ST3GAL2: variants seen among roughly 807,000 people sequenced by gnomAD.
ST3GAL2 encodes ST3 beta-galactoside alpha-2,3-sialyltransferase 2, also known as CMP-N-acetylneuraminate-beta-galactosamide-alpha-2,3-sialyltransferase 2.
ST3GAL2 carries 16 observed loss-of-function variants against 37.5 expected under a neutral mutation model. The observed-to-expected ratio is 0.43, with a 90% CI of 0.29 to 0.65. The LOEUF is 0.65. Among genes scored for constraint, ST3GAL2 ranks in the 30% least tolerant of loss-of-function variants. The pLI is 0.17. For missense variants in ST3GAL2, 383 were observed against 487.8 expected, an observed-to-expected ratio of 0.79 and a Z score of 2.02; for synonymous variants, 238 against 202.9, an observed-to-expected ratio of 1.17 and a Z score of -1.47.
intron 1 of ST3GAL2, chr16:70,400,032 T>C (rs2047544520): frequency 6.6e-6 from 1 of 152,206 alleles, no homozygotes; most frequent in South Asian, 2.1e-4. Context: ...TATTGCTGGG[T>C]CCACTCAATG....
chr16:70,413,722 G>C (rs906805986), intron 1 of ST3GAL2, among the ~76,000 whole-genome samples: 37 of 150,454 alleles, frequency 2.5e-4, no homozygotes, highest in Admixed American at 7.3e-4. Context: ...GGCAACAAAA[G>C]CGAAACTCCA....
At chr16:70,431,825 G>A (rs968495865) in intron 1 of ST3GAL2, among the ~76,000 whole-genome samples, 9 of 151,900 alleles carry the variant, frequency 5.9e-5, no homozygotes, top group Admixed American at 2.6e-4. Flanking sequence ...TTAGCCAGGC[G>A]TGGTGGCGGG....
At chr16:70,431,091 G>T (rs189396251) in intron 1 of ST3GAL2, among the ~76,000 whole-genome samples, 1 of 151,230 alleles carries the variant, frequency 6.6e-6, no homozygotes, top group South Asian at 2.1e-4. Context: ...AGGAAGGAGG[G>T]GGCGTGGGGG....
chr16:70,391,291 T>A (rs188616882), intron 3 of ST3GAL2, among the ~76,000 whole-genome samples: 1 of 152,310 alleles, frequency 6.6e-6, no homozygotes, highest in African/African-American at 2.4e-5. Flanking sequence ...TCCTAACCAC[T>A]TCCGTTCTAG....
chr16:70,387,499 G>A (rs898014046), intron 4 of ST3GAL2, among the ~76,000 whole-genome samples: 1 of 152,038 alleles, frequency 6.6e-6, no homozygotes, highest in Admixed American at 6.6e-5. Context: ...AGGTTTCAGT[G>A]AGCCAAGATT....
intron 6 of ST3GAL2, 74 bp downstream of exon 6, chr16:70,382,731 C>G: frequency 6.3e-7 from 1 of 1,594,692 alleles, no homozygotes. Context: ...CCTCTGTTAG[C>G]CTGCTAAGAC....
intron 1 of ST3GAL2, among the ~76,000 whole-genome samples, chr16:70,432,879 G>A (rs2047800630): frequency 6.6e-6 from 1 of 152,222 alleles, no homozygotes; most frequent in Admixed American, 6.5e-5. Context: ...ATCCCGGGCT[G>A]CATGTGGAAA....
intron 1 of ST3GAL2, among the ~76,000 whole-genome samples, chr16:70,413,723 C>T (rs552665215): frequency 4.7e-5 from 7 of 149,450 alleles, no homozygotes; most frequent in Admixed American, 1.3e-4. Flanking sequence ...GCAACAAAAG[C>T]GAAACTCCAT....
chr16:70,381,319 A>G lies in ST3GAL2; in HGVS notation c.*370T>C, dbSNP rs2047401555. On this transcript the variant is annotated 3_prime_UTR_variant, in exon 7 of 7. Transcript: ENST00000342907. ...CGATCCTCCGCCCGAGGCTGACGGAAGTGCTTCGCCGAGGCCCGCGCCATG... is the reference window on the plus strand; with the variant it reads ...CGATCCTCCGCCCGAGGCTGACGGAGGTGCTTCGCCGAGGCCCGCGCCATG... 1 of 196,686 alleles carries G rather than the reference A, an allele frequency of 5.1e-6. No homozygotes were observed. Among genetic ancestry groups the G allele is most frequent in the South Asian group, 8.4e-5 (1 of 11,914 alleles). 12.2% of individuals were successfully genotyped at this position (196,686 alleles called of 1,614,324 possible). A position where few individuals can be genotyped will look rare whatever the true frequency, so the allele number is the denominator to read the frequency against.
intron 2 of ST3GAL2, among the ~76,000 whole-genome samples, chr16:70,395,888 T>C (rs567521943): frequency 2.6e-5 from 4 of 152,174 alleles, no homozygotes; most frequent in East Asian, 1.9e-4. Context: ...CGTGGGATCA[T>C]GAGCCCAGAA....
intron 1 of ST3GAL2, among the ~76,000 whole-genome samples, chr16:70,418,816 G>A (rs1330472864): frequency 6.6e-6 from 1 of 152,118 alleles, no homozygotes; most frequent in Non-Finnish European, 1.5e-5. Context: ...CAAAGCGGGC[G>A]ATTTCTCCAG....
rs1027985057 is a variant in ST3GAL2 at position 70,382,928 on chromosome 16, G to A, written c.760-4C>T. ...AGGCTGGGTTGTAGATCTGGACCTG[G>A]GAGGAGAAGGGATGACAGGTATATG... On this transcript the variant is annotated splice_polypyrimidine_tract_variant and splice_region_variant and intron_variant, in intron 5 of 6. Coordinates refer to ENST00000342907, the MANE Select transcript of ST3GAL2 (RefSeq NM_006927.4). 18 of 1,612,578 alleles carry A rather than the reference G, an allele frequency of 1.1e-5. 1 individual carries two copies. The highest frequency in any genetic ancestry group is 1.4e-5 in the Non-Finnish European group (16 of 1,179,272).
chr16:70,383,149 G>A, intron 5 of ST3GAL2, 41 bp downstream of exon 5: 1 of 1,609,672 alleles, frequency 6.2e-7, no homozygotes, highest in Non-Finnish European at 8.5e-7. Flanking sequence ...GGCTGGGCCA[G>A]CACTGTTTCC....
At chr16:70,386,349 G>A (rs974475150) in intron 4 of ST3GAL2, among the ~76,000 whole-genome samples, 3 of 151,962 alleles carry the variant, frequency 2.0e-5, no homozygotes, top group Non-Finnish European at 4.4e-5. Flanking sequence ...CACCACGGCC[G>A]GCTAATTTTT....
At chr16:70,420,606 G>A (rs114357081) in intron 1 of ST3GAL2, among the ~76,000 whole-genome samples, 1 of 152,352 alleles carries the variant, frequency 6.6e-6, no homozygotes, top group African/African-American at 2.4e-5. Flanking sequence ...TTATCTCCTG[G>A]AAGGGGAATA....
intron 1 of ST3GAL2, among the ~76,000 whole-genome samples, chr16:70,408,890 C>CAAAAAAAAAAAAA (rs59060353): frequency 0.011 from 649 of 59,876 alleles, 90 homozygotes; most frequent in Non-Finnish European, 0.017. Context: ...CTCAAAGAAA[C>CAAAAAAAAAAAAA]AAAAAAAAAA....
At chr16:70,410,052 C>T (rs574644832) in intron 1 of ST3GAL2, among the ~76,000 whole-genome samples, 75 of 151,656 alleles carry the variant, frequency 4.9e-4, no homozygotes, top group Non-Finnish European at 9.1e-4. Flanking sequence ...CAGATATGAG[C>T]CACCTTGCTC....
intron 3 of ST3GAL2, 113 bp from the exon 4 acceptor site, chr16:70,388,659 C>T: frequency 8.6e-7 from 1 of 1,161,298 alleles, no homozygotes; most frequent in Admixed American, 3.0e-5. Context: ...TATACTCCAA[C>T]CTAGCAATTC....
At chr16:70,418,407 G>A (rs899275363) in intron 1 of ST3GAL2, among the ~76,000 whole-genome samples, 4 of 152,172 alleles carry the variant, frequency 2.6e-5, no homozygotes, top group Admixed American at 2.6e-4. Flanking sequence ...AAAGGTATCA[G>A]GGGCAGCTGA....
Sources: allele counts gnomAD v4.1 joint callset (sites outside exome capture counted in the v4.1 genomes callset), GRCh38; gene constraint gnomAD v4.1.1; transcripts MANE v1.5; gene names NCBI Gene and HGNC (gene_info 2026-07-23, HGNC 2026-07-21).